Variants in LRMDA observed in about 807,000 individuals in gnomAD.
LRMDA encodes the protein leucine rich melanocyte differentiation associated, also known as leucine-rich melanocyte differentiation-associated protein.
LRMDA carries 18 observed loss-of-function variants against 29.8 expected under a neutral mutation model. The ratio of observed to expected loss-of-function variants is 0.60; its 90% confidence interval spans 0.42 to 0.90. LRMDA has a LOEUF of 0.90. Ranked by LOEUF, LRMDA falls within the 40% of genes least tolerant of loss-of-function variation. The pLI is 0.00. For missense variants in LRMDA, 273 were observed against 273.9 expected (o/e 1.00, Z 0.02); for synonymous variants, 125 against 109.4 (o/e 1.14, Z -0.89).
intron 5 of LRMDA, among the ~76,000 whole-genome samples, chr10:76,226,454 G>A (rs1310808836): frequency 2.0e-5 from 3 of 152,024 alleles, no homozygotes; most frequent in Admixed American, 6.6e-5. Context: ...ATGGTGGCAC[G>A]TGCCTGCAAT....
In LRMDA at chr10:75,532,350, T is replaced by A. The variant is rs146952786; in HGVS notation, c.131+93856T>A. Among the ~76,000 whole-genome samples the A allele has an allele frequency of 9.9e-3, 1,508 of 152,290 alleles. 31 individuals are homozygous for A. Among genetic ancestry groups the A allele is most frequent in the African/African-American group, 0.034 (1,422 of 41,568 alleles). ...GTTTTTCTTGTGCCAAATTCTGGAA[T>A]TTTTGATCCAGGCTGCTTGCTATCT... On this transcript the variant is annotated intron_variant, in intron 2 of 6. Coordinates refer to ENST00000611255, the MANE Select transcript of LRMDA (RefSeq NM_001305581.2).
intron 5 of LRMDA, among the ~76,000 whole-genome samples, chr10:76,223,501 C>T (rs1851887988): frequency 6.6e-6 from 1 of 152,136 alleles, no homozygotes; most frequent in Non-Finnish European, 1.5e-5. Flanking sequence ...AATTCATATG[C>T]TGAAATCTTA....
chr10:76,197,749 T>A (rs980803830), intron 5 of LRMDA, among the ~76,000 whole-genome samples: 1 of 146,802 alleles, frequency 6.8e-6, no homozygotes, highest in Admixed American at 7.0e-5. Flanking sequence ...TGAAACCCCA[T>A]CTCTACTAAA....
At chr10:75,474,090 A>T in intron 2 of LRMDA, among the ~76,000 whole-genome samples, 1 of 152,214 alleles carries the variant, frequency 6.6e-6, no homozygotes, top group Middle Eastern at 3.2e-3. Flanking sequence ...ATGCAGTTGC[A>T]TACACTGTTC....
chr10:75,578,513 A>T (rs1840541049), intron 2 of LRMDA, among the ~76,000 whole-genome samples: 1 of 152,164 alleles, frequency 6.6e-6, no homozygotes, highest in Non-Finnish European at 1.5e-5. Flanking sequence ...TAACAAGGAT[A>T]TCCAGGACTT....
intron 6 of LRMDA, among the ~76,000 whole-genome samples, chr10:76,338,711 T>A (rs921807050): frequency 3.6e-4 from 51 of 143,462 alleles, no homozygotes; most frequent in African/African-American, 1.1e-3. Context: ...TAAAAAAAAA[T>A]GTAAAATAAA....
chr10:76,012,651 C>G (rs1467915606), intron 2 of LRMDA, among the ~76,000 whole-genome samples: 1 of 152,154 alleles, frequency 6.6e-6, no homozygotes, highest in African/African-American at 2.4e-5. Context: ...GGTCAGTTCA[C>G]AACGAGGCAG....
intron 5 of LRMDA, among the ~76,000 whole-genome samples, chr10:76,304,406 G>A (rs1288186101): frequency 6.6e-6 from 1 of 152,162 alleles, no homozygotes; most frequent in South Asian, 2.1e-4. Context: ...TGGCAGAAGC[G>A]CACCTTAAAC....
chr10:75,879,234 T>C (rs1564594892), intron 2 of LRMDA, among the ~76,000 whole-genome samples: 1 of 151,920 alleles, frequency 6.6e-6, no homozygotes, highest in Non-Finnish European at 1.5e-5. Context: ...AGGCCCAGAG[T>C]GTAAGGACCA....
chr10:75,718,060 G>A (rs1842522967), intron 2 of LRMDA, among the ~76,000 whole-genome samples: 1 of 152,132 alleles, frequency 6.6e-6, no homozygotes, highest in South Asian at 2.1e-4. Context: ...ATTTTTTCCT[G>A]TATAAATGGA....
Position 75,834,182 on chromosome 10 carries a change from A to C in LRMDA, c.132-201826A>C, listed in dbSNP as rs568395410. On this transcript the variant is annotated intron_variant, in intron 2 of 6. Coordinates refer to ENST00000611255, the MANE Select transcript of LRMDA (RefSeq NM_001305581.2). Reference sequence around the variant, plus strand: ...TTCTGCTAGTATAACATTCTCAAAAAACTTATGGTATCCAATGTATGTCAT... The same window carrying C: ...TTCTGCTAGTATAACATTCTCAAAACACTTATGGTATCCAATGTATGTCAT... Among the ~76,000 whole-genome samples the C allele has an allele frequency of 2.0e-5, 3 of 152,300 alleles. No homozygotes were observed. The East Asian group carries it at 5.8e-4, about 29-fold the overall frequency.
intron 2 of LRMDA, among the ~76,000 whole-genome samples, chr10:75,631,387 C>T (rs1841320020): frequency 6.6e-6 from 1 of 151,592 alleles, no homozygotes; most frequent in African/African-American, 2.4e-5. Flanking sequence ...AATGTCCAGG[C>T]AGTGAACCTC....
At chr10:75,843,626 A>G (rs1844581426) in intron 2 of LRMDA, among the ~76,000 whole-genome samples, 1 of 152,222 alleles carries the variant, frequency 6.6e-6, no homozygotes, top group Non-Finnish European at 1.5e-5. Flanking sequence ...TGAAAAGTAT[A>G]AATCCGTGTG....
At chr10:76,367,502 G>A (rs1257369062) in intron 6 of LRMDA, among the ~76,000 whole-genome samples, 1 of 151,814 alleles carries the variant, frequency 6.6e-6, no homozygotes, top group African/African-American at 2.4e-5. Context: ...TCAGCTCACC[G>A]TAACCTCTGC....
intron 6 of LRMDA, among the ~76,000 whole-genome samples, chr10:76,505,391 A>G (rs1308358327): frequency 1.3e-5 from 2 of 151,976 alleles, no homozygotes; most frequent in Non-Finnish European, 2.9e-5. Flanking sequence ...ATTAATAATA[A>G]TGTCAATGAC....
intron 6 of LRMDA, among the ~76,000 whole-genome samples, chr10:76,505,979 G>T (rs781698391): frequency 1.2e-4 from 19 of 152,094 alleles, no homozygotes; most frequent in Non-Finnish European, 2.4e-4. Context: ...TACAGGATCT[G>T]TACTTAAAGC....
At chr10:76,125,173 T>A (rs984822096) in intron 5 of LRMDA, among the ~76,000 whole-genome samples, 2 of 152,250 alleles carry the variant, frequency 1.3e-5, no homozygotes, top group Non-Finnish European at 2.9e-5. Context: ...AAATGCTTAA[T>A]TGATTTTATT....
At chr10:75,463,377 A>G (rs1370644620) in intron 2 of LRMDA, among the ~76,000 whole-genome samples, 1 of 152,164 alleles carries the variant, frequency 6.6e-6, no homozygotes, top group African/African-American at 2.4e-5. Context: ...TTGAGCGTCA[A>G]GGAGTTCAGT....
intron 2 of LRMDA, among the ~76,000 whole-genome samples, chr10:75,733,612 G>A (rs188643897): frequency 1.3e-5 from 2 of 152,304 alleles, no homozygotes; most frequent in Admixed American, 1.3e-4. Context: ...TGTTATGGAG[G>A]CAGAATGAGA....
Sources: gnomAD v4.1 joint callset for allele counts (sites outside exome capture counted in the v4.1 genomes callset) on GRCh38, gnomAD v4.1.1 for gene constraint, MANE v1.5 for transcripts, NCBI Gene and HGNC (gene_info 2026-07-23, HGNC 2026-07-21) for gene names.